OTUB2: variants seen among roughly 807,000 people sequenced by gnomAD.
OTUB2 encodes the protein OTU deubiquitinase, ubiquitin aldehyde binding 2, also known as ubiquitin thioesterase OTUB2.
OTUB2 carries 21 observed loss-of-function variants against 25.1 expected under a neutral mutation model. The observed-to-expected ratio is 0.84, with a 90% CI of 0.59 to 1.21. The LOEUF (loss-of-function observed/expected upper bound fraction) is 1.21, where lower values mean the gene tolerates loss of function less well. OTUB2 is among the 50% of genes most tolerant of loss of function. The pLI, the probability that OTUB2 is intolerant of heterozygous loss-of-function variation, is 0.00. For missense variants in OTUB2, 283 were observed against 298.0 expected (o/e 0.95, Z 0.37); for synonymous variants, 122 against 122.8 (o/e 0.99, Z 0.04).
intron 3 of OTUB2, among the ~76,000 whole-genome samples, chr14:94,039,935 C>G (rs1347914165): frequency 6.6e-6 from 1 of 152,096 alleles, no homozygotes; most frequent in African/African-American, 2.4e-5. Flanking sequence ...GCAGGTTTCT[C>G]AACGGCGGCA....
intron 1 of OTUB2, among the ~76,000 whole-genome samples, chr14:94,035,814 T>C (rs1392685138): frequency 6.6e-6 from 1 of 152,026 alleles, no homozygotes; most frequent in Admixed American, 6.6e-5. Flanking sequence ...GTTTGAAAAA[T>C]ATCTCACCCC....
chr14:94,040,246 G>T (rs564847162), intron 3 of OTUB2, among the ~76,000 whole-genome samples: 2 of 152,312 alleles, frequency 1.3e-5, no homozygotes, highest in East Asian at 3.9e-4. Context: ...AGATTGTTTT[G>T]CCAGTGACAG....
At chr14:94,045,019 T>C (rs1336645848) in intron 5 of OTUB2, among the ~76,000 whole-genome samples, 1 of 152,262 alleles carries the variant, frequency 6.6e-6, no homozygotes, top group East Asian at 1.9e-4. Flanking sequence ...GGATTTGGAC[T>C]GGCCTGTTTA....
chr14:94,043,876 G>A (rs1205508370), intron 3 of OTUB2, 95 bp from the exon 4 acceptor site: 11 of 1,102,164 alleles, frequency 1.0e-5, no homozygotes, highest in Middle Eastern at 2.1e-4. Context: ...AGATGAGGTT[G>A]GTGGGCGCAG....
Position 94,026,414 on chromosome 14 carries a change from G to C in OTUB2, c.-124G>C. The C allele has an allele frequency of 7.8e-7, 1 of 1,285,036 alleles. No individual in the cohort carries two copies. Among genetic ancestry groups the C allele is most frequent in the Non-Finnish European group, 9.9e-7 (1 of 1,014,798 alleles). The allele number at this position is 1,285,036 out of a possible 1,614,324, so 79.6% of individuals were successfully genotyped here. A position where few individuals can be genotyped will look rare whatever the true frequency, so the allele number is the denominator to read the frequency against. On this transcript the variant is annotated 5_prime_UTR_variant, in exon 1 of 6. Coordinates refer to ENST00000203664, the MANE Select transcript of OTUB2 (RefSeq NM_023112.4). ...GGAGCGGTCGGGTGTATTCTCCGCC[G>C]CCCCCACGCCCTCGAGGTCCCCGCC...
chr14:94,039,944 C>T (rs979839838), intron 3 of OTUB2, among the ~76,000 whole-genome samples: 2 of 152,128 alleles, frequency 1.3e-5, no homozygotes, highest in Admixed American at 1.3e-4. Flanking sequence ...TCAACGGCGG[C>T]ATGACTGACG....
chr14:94,044,436 G>C (rs534070478), intron 4 of OTUB2, 150 bp from the exon 5 acceptor site: 14 of 857,134 alleles, frequency 1.6e-5, no homozygotes, highest in African/African-American at 1.4e-4. Context: ...AGCTTAGGCA[G>C]AATCTCAGAC....
At chr14:94,031,550 G>T (rs17129431) in intron 1 of OTUB2, among the ~76,000 whole-genome samples, 37,853 of 151,970 alleles carry the variant, frequency 0.25, 4,807 homozygotes, top group East Asian at 0.36. Flanking sequence ...GCGTCATGGT[G>T]GGAGTTTTAT....
intron 3 of OTUB2, among the ~76,000 whole-genome samples, chr14:94,043,452 G>A (rs1885201298): frequency 6.6e-6 from 1 of 152,240 alleles, no homozygotes; most frequent in Admixed American, 6.5e-5. Context: ...ACCAGGACAG[G>A]TCCCAGAAAG....
intron 1 of OTUB2, among the ~76,000 whole-genome samples, chr14:94,027,558 T>C (rs1043676618): frequency 1.4e-4 from 22 of 152,228 alleles, no homozygotes; most frequent in African/African-American, 5.3e-4. Context: ...ATGGGAACCA[T>C]GTGATATGAT....
intron 1 of OTUB2, among the ~76,000 whole-genome samples, chr14:94,036,382 A>T (rs1885054934): frequency 6.6e-6 from 1 of 152,208 alleles, no homozygotes; most frequent in African/African-American, 2.4e-5. Context: ...TGTGTGCAGG[A>T]GCCAGCCTCA....
intron 2 of OTUB2, 144 bp downstream of exon 2, chr14:94,037,619 C>T (rs1885081951): frequency 2.3e-6 from 1 of 442,398 alleles, no homozygotes; most frequent in Non-Finnish European, 4.0e-6. Context: ...TGATGTTGGA[C>T]ATTTGCCTTA....
chr14:94,037,649 CA>C (rs35415907), intron 2 of OTUB2, among the ~76,000 whole-genome samples, 174 bp downstream of exon 2: 37,465 of 135,256 alleles, frequency 0.28, 4,670 homozygotes, highest in East Asian at 0.47. Context: ...CCTTTCATTC[CA>C]AAAAAAAAAA....
Position 94,035,713 on chromosome 14 carries a change from A to G in OTUB2, c.4-1667A>G, listed in dbSNP as rs1262596106. Among the ~76,000 whole-genome samples the G allele has an allele frequency of 2.6e-5, 4 of 152,348 alleles. No individual in the cohort carries two copies. In the East Asian group the frequency reaches 7.7e-4, roughly 29 times the overall value. On this transcript the variant is annotated intron_variant, in intron 1 of 5. Coordinates refer to ENST00000203664, the MANE Select transcript of OTUB2 (RefSeq NM_023112.4). The stretch of plus-strand genomic sequence containing the variant: ...GCCACCAGAAAGGGCGAAACAGAAT[A>G]AAGTGTAAGTTCAAGGGAGAGCACA...
rs1283849738 is a variant in OTUB2 at position 94,047,942 on chromosome 14, T to C, written c.*2020T>C. Reference sequence around the variant, plus strand: ...AAGAATCTATTCTATCACTTCAGAATCAGGACACTCAAGCTCTGGCAGAGG... The same window carrying C: ...AAGAATCTATTCTATCACTTCAGAACCAGGACACTCAAGCTCTGGCAGAGG... On this transcript the variant is annotated 3_prime_UTR_variant, in exon 6 of 6. Transcript: ENST00000203664. 6.6e-6 allele frequency: 1 copy of C among 152,224 alleles called. No homozygotes were observed. Among genetic ancestry groups the C allele is most frequent in the Non-Finnish European group, 1.5e-5 (1 of 68,060 alleles). 9.4% of individuals were successfully genotyped at this position (152,224 alleles called of 1,614,324 possible).
rs1885114126 is a variant in OTUB2, at chr14:94,039,221, T to C, written c.218+140T>C. 4 of 683,674 alleles carry C rather than the reference T, an allele frequency of 5.9e-6. No individual in the cohort carries two copies. In the East Asian group the frequency reaches 1.1e-4, roughly 18 times the overall value. The allele number at this position is 683,674 out of a possible 1,614,324, so 42.4% of individuals were successfully genotyped here. On this transcript the variant is annotated intron_variant, in intron 3 of 5. Transcript: ENST00000203664. ...AGAGCTGCCTGGCAGAGGCGTTTGA[T>C]GTTGGGGGTGCCCAGCTGCCTGCTG...
chr14:94,043,143 C>T (rs571618587), intron 3 of OTUB2, among the ~76,000 whole-genome samples: 106 of 152,354 alleles, frequency 7.0e-4, no homozygotes, highest in African/African-American at 2.5e-3. Context: ...TACAAGGCAC[C>T]AGGCTTTTCT....
In OTUB2 at chr14:94,026,410, C is replaced by T; in HGVS notation, c.-128C>T. 1 of 1,285,668 alleles carries T rather than the reference C, an allele frequency of 7.8e-7. No individual in the cohort carries two copies. Among genetic ancestry groups the T allele is most frequent in the Non-Finnish European group, 9.8e-7 (1 of 1,015,292 alleles). 79.6% of individuals were successfully genotyped at this position (1,285,668 alleles called of 1,614,324 possible). A position where few individuals can be genotyped will look rare whatever the true frequency, so the allele number is the denominator to read the frequency against. ...TTGCGGAGCGGTCGGGTGTATTCTCCGCCGCCCCCACGCCCTCGAGGTCCC... is the reference window on the plus strand; with the variant it reads ...TTGCGGAGCGGTCGGGTGTATTCTCTGCCGCCCCCACGCCCTCGAGGTCCC... On this transcript the variant is annotated 5_prime_UTR_variant, in exon 1 of 6. Transcript: ENST00000203664.
At chr14:94,043,735 C>T (rs931525691) in intron 3 of OTUB2, among the ~76,000 whole-genome samples, 7 of 152,218 alleles carry the variant, frequency 4.6e-5, no homozygotes, top group Non-Finnish European at 8.8e-5. Flanking sequence ...CTTGTCGTAT[C>T]GTCTTTCCAC....
Sources: allele counts gnomAD v4.1 joint callset (sites outside exome capture counted in the v4.1 genomes callset), GRCh38; gene constraint gnomAD v4.1.1; transcripts MANE v1.5; gene names NCBI Gene and HGNC (gene_info 2026-07-23, HGNC 2026-07-21).